The following DDX25 variants were observed in gnomAD, a reference collection of about 807,000 sequenced individuals.
DDX25 encodes the protein ATP-dependent RNA helicase DDX25.
In DDX25, 70 loss-of-function variants were observed where a neutral mutation model predicts 64.6. The observed-to-expected ratio is 1.08, with a 90% CI of 0.89 to 1.32. The LOEUF (loss-of-function observed/expected upper bound fraction) is 1.32, where lower values mean the gene tolerates loss of function less well. Ranked by LOEUF, DDX25 falls within the 40% of genes most tolerant of loss-of-function variation. DDX25 has a pLI of 0.00. For missense variants in DDX25, 587 were observed against 604.4 expected, an observed-to-expected ratio of 0.97 and a Z score of 0.30; for synonymous variants, 211 against 213.3, an observed-to-expected ratio of 0.99 and a Z score of 0.09.
chr11:125,908,377 C>T, intron 5 of DDX25, 24 bp from the exon 6 acceptor site: 1 of 1,613,510 alleles, frequency 6.2e-7, no homozygotes. Flanking sequence ...CAGTTTATGC[C>T]CAGTGGTCTT....
chr11:125,904,930 C>A (rs561175866), intron 1 of DDX25, among the ~76,000 whole-genome samples: 4 of 152,290 alleles, frequency 2.6e-5, no homozygotes, highest in Non-Finnish European at 5.9e-5. Context: ...TCCTAGCCAC[C>A]CTCCCCTTGT....
rs1231400128 is a variant in DDX25, at chr11:125,925,579, T to A, written c.*2698T>A. ...GAGAGGCAAGGAAACACCAGGTGAT[T>A]TCAGTGCAACTGTGAGCTGGGTTCA... is the stretch of plus-strand genomic sequence containing the variant. On this transcript the variant is annotated 3_prime_UTR_variant, in exon 12 of 12. Transcript: ENST00000263576. 2 of 414,284 alleles carry A rather than the reference T, an allele frequency of 4.8e-6. No individual in the cohort carries two copies. Among genetic ancestry groups the A allele is most frequent in the Non-Finnish European group, 1.0e-5 (2 of 199,882 alleles). The allele number at this position is 414,284 out of a possible 1,614,324, so 25.7% of individuals were successfully genotyped here.
At chr11:125,908,559 T>C in intron 6 of DDX25, 56 bp downstream of exon 6, 1 of 1,432,014 alleles carries the variant, frequency 7.0e-7, no homozygotes, top group Non-Finnish European at 9.8e-7. Flanking sequence ...GCTAATTTAG[T>C]AATAGGTGAT....
Position 125,927,494 on chromosome 11 carries a change from A to G in DDX25, c.*4613A>G, listed in dbSNP as rs927820599. On this transcript the variant is annotated 3_prime_UTR_variant, in exon 12 of 12. Transcript: ENST00000263576. ...TTTCTTTGGGAATTAACCTTTGCCC[A>G]TAATTATTTCTGTTCAGTAGAATAA... 6.6e-6 allele frequency: 1 copy of G among 152,256 alleles called. No individual in the cohort carries two copies. Among genetic ancestry groups the G allele is most frequent in the Non-Finnish European group, 1.5e-5 (1 of 68,048 alleles). 9.4% of individuals were successfully genotyped at this position (152,256 alleles called of 1,614,324 possible).
At chr11:125,922,613 G>T (rs1591522594) in intron 11 of DDX25, 1 of 461,398 alleles carries the variant, frequency 2.2e-6, no homozygotes, top group Non-Finnish European at 3.8e-6. Flanking sequence ...CTCTGCCCCA[G>T]CGTATCTAGA....
At chr11:125,918,142 A>G (rs112240501) in intron 9 of DDX25, among the ~76,000 whole-genome samples, 12 of 152,226 alleles carry the variant, frequency 7.9e-5, no homozygotes, top group African/African-American at 2.9e-4. Flanking sequence ...TGGCCTCCCA[A>G]AGTGCTGGGA....
chr11:125,905,334 G>T (rs1359666656), intron 2 of DDX25, 56 bp downstream of exon 2: 2 of 1,536,784 alleles, frequency 1.3e-6, no homozygotes, highest in East Asian at 4.9e-5. Context: ...GTATTGTTTT[G>T]CTTTCATCAC....
At chr11:125,907,591 G>A (rs551989611) in intron 4 of DDX25, among the ~76,000 whole-genome samples, 2 of 151,054 alleles carry the variant, frequency 1.3e-5, no homozygotes, top group Admixed American at 6.7e-5. Context: ...CTGGGCGACA[G>A]AGCAAGACTC....
chr11:125,922,804 T>C lies in DDX25; in HGVS notation c.1391-16T>C. 3 of 1,600,408 alleles carry C rather than the reference T, an allele frequency of 1.9e-6. No individual in the cohort carries two copies. Among genetic ancestry groups the C allele is most frequent in the Non-Finnish European group, 2.6e-6 (3 of 1,172,666 alleles). ...CCCTGACATGAGACTAGTTCTGTTCTCTTTTGTTCTTTTAGACAGCAGTAT... is the reference window on the plus strand; with the variant it reads ...CCCTGACATGAGACTAGTTCTGTTCCCTTTTGTTCTTTTAGACAGCAGTAT... On this transcript the variant is annotated splice_polypyrimidine_tract_variant and intron_variant, in intron 11 of 11. Transcript: ENST00000263576.
intron 10 of DDX25, chr11:125,920,927 C>T (rs939184839): frequency 3.2e-4 from 91 of 284,652 alleles, no homozygotes; most frequent in East Asian, 5.3e-4. Flanking sequence ...CATACACACA[C>T]ACACACACAC....
At chr11:125,919,763 T>G (rs1239437776) in intron 10 of DDX25, among the ~76,000 whole-genome samples, 1 of 152,134 alleles carries the variant, frequency 6.6e-6, no homozygotes, top group Non-Finnish European at 1.5e-5. Context: ...CCTTAAGAGC[T>G]CACAGCCTAG....
At chr11:125,912,355 T>G (rs1340999315) in intron 8 of DDX25, among the ~76,000 whole-genome samples, 1 of 152,184 alleles carries the variant, frequency 6.6e-6, no homozygotes, top group Non-Finnish European at 1.5e-5. Context: ...AGTATTGATA[T>G]CATGTGACAG....
Position 125,918,651 on chromosome 11 carries a change from G to T in DDX25, c.1062G>T (p.Leu354Phe), listed in dbSNP as rs1471224865. The T allele has an allele frequency of 1.9e-6, 3 of 1,613,528 alleles. No homozygotes were observed. Among genetic ancestry groups the T allele is most frequent in the Admixed American group, 1.7e-5 (1 of 59,970 alleles). Residue 354 changes from leucine to phenylalanine, a missense_variant, in exon 10 of 12, where the codon TTG becomes TTT. Coordinates refer to ENST00000263576, the MANE Select transcript of DDX25 (RefSeq NM_013264.5). ...AGACTCGTCGAAACGCTAAGTGGTT[G>T]ACCGTGGAGATGATACAGGATGGCC... Reference protein sequence around the residue: ...FCQTRRNAKWLTVEMIQDGHQ... With the variant: ...FCQTRRNAKWFTVEMIQDGHQ...
intron 6 of DDX25, among the ~76,000 whole-genome samples, chr11:125,910,058 T>A (rs1351215532): frequency 2.0e-5 from 3 of 151,884 alleles, no homozygotes; most frequent in African/African-American, 7.3e-5. Context: ...ATCCCATTCT[T>A]CCCCCTCCTA....
Position 125,921,277 on chromosome 11 carries a change from C to T in DDX25, c.1288C>T (p.His430Tyr), listed in dbSNP as rs1222582410. Residue 430 changes from histidine to tyrosine, a missense_variant, in exon 11 of 12, where the codon CAC becomes TAC. His to Tyr is a moderately conservative substitution (Grantham distance 83). Transcript: ENST00000263576. The surrounding 1 kb of genome is among the most constrained non-coding windows in gnomAD (Gnocchi z 4.1). ...GGAGCCGGACTATGAGACCTACCTC[C>T]ACCGCATAGGGCGGACGGGGCGCTT... ...GEEPDYETYL[H>Y]RIGRTGRFGK... 1.9e-6 allele frequency: 3 copies of T among 1,613,546 alleles called. No homozygotes were observed. Among genetic ancestry groups the T allele is most frequent in the Non-Finnish European group, 2.5e-6 (3 of 1,179,744 alleles).
upstream of DDX25, chr11:125,904,487 C>A: frequency 6.8e-7 from 1 of 1,466,810 alleles, no homozygotes; most frequent in Non-Finnish European, 9.0e-7. Context: ...GGTGGAAGCA[C>A]GTGCTGGGGG....
Position 125,921,149 on chromosome 11 carries a change from A to C in DDX25, c.1202-42A>C. ...TGGTACTTGAATGGCCCGTGTACTGAGGAAAGCATTGCAGGACCCTACAGT... is the reference window on the plus strand; with the variant it reads ...TGGTACTTGAATGGCCCGTGTACTGCGGAAAGCATTGCAGGACCCTACAGT... On this transcript the variant is annotated intron_variant, in intron 10 of 11. Transcript: ENST00000263576. The surrounding 1 kb of genome is among the most constrained non-coding windows in gnomAD (Gnocchi z 4.1). The C allele has an allele frequency of 6.4e-7, 1 of 1,565,650 alleles. No homozygotes were observed.
At chr11:125,908,831 C>G (rs1339538158) in intron 6 of DDX25, among the ~76,000 whole-genome samples, 1 of 152,198 alleles carries the variant, frequency 6.6e-6, no homozygotes, top group Non-Finnish European at 1.5e-5. Context: ...ACCCTTAAAT[C>G]CTAATACCTA....
At chr11:125,912,721 C>G (rs1220180271) in intron 8 of DDX25, among the ~76,000 whole-genome samples, 1 of 150,982 alleles carries the variant, frequency 6.6e-6, no homozygotes, top group East Asian at 1.9e-4. Context: ...GCTTTTTCTT[C>G]TAGAAGTAAT....
Sources: gnomAD v4.1 joint callset for allele counts (sites outside exome capture counted in the v4.1 genomes callset) on GRCh38, gnomAD v4.1.1 for gene constraint, Gnocchi (gnomAD v3.1) non-coding constraint, MANE v1.5 for transcripts, NCBI Gene and HGNC (gene_info 2026-07-23, HGNC 2026-07-21) for gene names.